The following DDX6 variants were observed in gnomAD, a reference collection of about 807,000 sequenced individuals.
The protein encoded by DDX6 is DEAD-box helicase 6.
DDX6 carries 7 observed loss-of-function variants against 60.6 expected under a neutral mutation model. The ratio of observed to expected loss-of-function variants is 0.12; its 90% CI spans 0.07 to 0.22. The LOEUF (loss-of-function observed/expected upper bound fraction) is 0.22, where lower values mean the gene tolerates loss of function less well. DDX6 is among the 10% of genes least tolerant of loss of function. The probability of loss-of-function intolerance (pLI) is 1.00; values close to 1 mark genes in which losing one functional copy is unlikely to be tolerated. For synonymous variants in DDX6, 207 were observed against 201.0 expected, an observed-to-expected ratio of 1.03 and a Z score of -0.25; for missense variants, 270 against 589.9, an observed-to-expected ratio of 0.46 and a Z score of 5.62.
chr11:118,760,091 TAAG>T lies in DDX6; in HGVS notation c.742-50_742-48del, dbSNP rs1565563444. 7 of 1,574,896 alleles carry T rather than the reference TAAG, an allele frequency of 4.4e-6. No homozygotes were observed. The South Asian group carries it at 5.7e-5, about 13-fold the overall frequency. On this transcript the variant is annotated intron_variant, in intron 7 of 13. Coordinates refer to ENST00000534980, the MANE Select transcript of DDX6 (RefSeq NM_004397.6). Reference sequence around the variant, plus strand: ...ATTTTAAAAACAATAAAATAATGTCTAAGGTCTTGGTTAATACATGGTCAAAGA... The same window carrying T: ...ATTTTAAAAACAATAAAATAATGTCTGTCTTGGTTAATACATGGTCAAAGA...
intron 13 of DDX6, 106 bp downstream of exon 13, chr11:118,754,599 C>T: frequency 2.1e-6 from 2 of 968,492 alleles, no homozygotes; most frequent in South Asian, 1.7e-5. Context: ...GGTATTTTAC[C>T]CTTTATTGCT....
At chr11:118,756,068 G>C (rs1315521736) in intron 11 of DDX6, among the ~76,000 whole-genome samples, 192 bp downstream of exon 11, 1 of 130,786 alleles carries the variant, frequency 7.6e-6, no homozygotes, top group African/African-American at 2.9e-5. Context: ...GCCAGAGTAA[G>C]TCTTCTAAAG....
chr11:118,775,925 G>A (rs537729781), intron 4 of DDX6, among the ~76,000 whole-genome samples: 19 of 152,260 alleles, frequency 1.2e-4, no homozygotes, highest in African/African-American at 4.6e-4. Flanking sequence ...GAGCCCAGGA[G>A]GTCAAGACCA....
At chr11:118,783,526 G>C (rs1023326273) in intron 2 of DDX6, among the ~76,000 whole-genome samples, 10 of 152,176 alleles carry the variant, frequency 6.6e-5, no homozygotes, top group Non-Finnish European at 1.3e-4. Context: ...TCATAGGCCA[G>C]GTGCAGTGGC....
intron 4 of DDX6, among the ~76,000 whole-genome samples, chr11:118,773,429 G>A (rs186237544): frequency 4.6e-5 from 7 of 152,152 alleles, no homozygotes; most frequent in East Asian, 3.9e-4. Context: ...AAAATTAGCC[G>A]GGCGTGGTGG....
At chr11:118,791,396 A>G (rs898591071), upstream of DDX6, 6 of 152,054 alleles carry the variant, frequency 3.9e-5, no homozygotes, top group African/African-American at 1.4e-4. Context: ...CCGACGAGAA[A>G]AGTTCGAGGG....
rs146465826 is a variant in DDX6 at position 118,765,363 on chromosome 11, A to G, written c.500-8T>C. ...TGGGAACAATCACCATTGCTGAAAC[A>G]GTATCAAGGAATATATAAGAAAATA... On this transcript the variant is annotated splice_region_variant and splice_polypyrimidine_tract_variant and intron_variant, in intron 5 of 13. Coordinates refer to ENST00000534980, the MANE Select transcript of DDX6 (RefSeq NM_004397.6). 46 of 1,613,884 alleles carry G rather than the reference A, an allele frequency of 2.9e-5. No individual in the cohort carries two copies. In the African/African-American group the frequency reaches 4.1e-4, roughly 14 times the overall value.
intron 7 of DDX6, 49 bp from the exon 8 acceptor site, chr11:118,760,093 A>C: frequency 6.4e-7 from 1 of 1,565,458 alleles, no homozygotes; most frequent in Non-Finnish European, 8.7e-7. Context: ...ATAATGTCTA[A>C]GGTCTTGGTT....
rs58341763 is a variant in DDX6, at chr11:118,763,838, T to TA, written c.647-533dup. ...AACAGAGTAAGACTGTGTCTCAAATTAAAAAAAAAAAAAAAAAGAAAGAAA... is the reference window on the plus strand; with the variant it reads ...AACAGAGTAAGACTGTGTCTCAAATTAAAAAAAAAAAAAAAAAAGAAAGAAA... On this transcript the variant is annotated intron_variant, in intron 6 of 13. Coordinates refer to ENST00000534980, the MANE Select transcript of DDX6 (RefSeq NM_004397.6). Among the ~76,000 whole-genome samples the TA allele has an allele frequency of 1.5e-3, 195 of 134,366 alleles. 1 individual carries two copies. Among genetic ancestry groups the TA allele is most frequent in the African/African-American group, 4.2e-3 (149 of 35,724 alleles). The allele number at this position is 134,366 out of a possible 152,430, so 88.1% of individuals were successfully genotyped here.
At chr11:118,773,020 C>T (rs1861585350) in intron 4 of DDX6, among the ~76,000 whole-genome samples, 1 of 152,168 alleles carries the variant, frequency 6.6e-6, no homozygotes, top group Admixed American at 6.6e-5. Context: ...TAGTCATTTC[C>T]AAGTATGTTT....
intron 1 of DDX6, chr11:118,787,050 T>C (rs1238760521): frequency 6.6e-6 from 1 of 152,174 alleles, no homozygotes; most frequent in Admixed American, 6.6e-5. Flanking sequence ...TATTAAACTT[T>C]ATGGGCTGGG....
chr11:118,756,457 A>G, intron 10 of DDX6, 134 bp from the exon 11 acceptor site: 2 of 510,302 alleles, frequency 3.9e-6, no homozygotes, highest in Non-Finnish European at 6.8e-6. Context: ...GCTGCTTTCA[A>G]AACCAAATGA....
At chr11:118,780,043 G>C (rs888496722) in intron 3 of DDX6, among the ~76,000 whole-genome samples, 1 of 139,638 alleles carries the variant, frequency 7.2e-6, no homozygotes, top group Non-Finnish European at 1.5e-5. Context: ...TTGAACCCAG[G>C]AGACGGAGGT....
chr11:118,753,928 C>T (rs1416834223), intron 13 of DDX6, among the ~76,000 whole-genome samples: 1 of 151,850 alleles, frequency 6.6e-6, no homozygotes, highest in Non-Finnish European at 1.5e-5. Context: ...AACTCCAACT[C>T]TACTAAAAAA....
At chr11:118,757,846 T>A (rs1555159314) in intron 9 of DDX6, among the ~76,000 whole-genome samples, 1 of 152,056 alleles carries the variant, frequency 6.6e-6, no homozygotes, top group African/African-American at 2.4e-5. Context: ...CCACTTCGGC[T>A]TCCCAAAGTG....
At chr11:118,785,010 C>T (rs563345322) in intron 2 of DDX6, among the ~76,000 whole-genome samples, 151 of 152,284 alleles carry the variant, frequency 9.9e-4, no homozygotes, top group African/African-American at 3.4e-3. Flanking sequence ...TCAGGTGATC[C>T]GCCCACCTTG....
At chr11:118,772,669 C>A (rs1374276517) in intron 4 of DDX6, among the ~76,000 whole-genome samples, 1 of 152,040 alleles carries the variant, frequency 6.6e-6, no homozygotes, top group Non-Finnish European at 1.5e-5. Flanking sequence ...CCCCAAAAAA[C>A]AAAACCCCAA....
At chr11:118,764,196 A>G (rs1283316017) in intron 6 of DDX6, among the ~76,000 whole-genome samples, 2 of 152,234 alleles carry the variant, frequency 1.3e-5, no homozygotes, top group African/African-American at 4.8e-5. Context: ...AATGTATCAC[A>G]TAATTATCAT....
At position 118,754,688 on chromosome 11, in the gene DDX6, TTC is replaced by T; in HGVS notation, c.*7+15_*7+16del. On this transcript the variant is annotated intron_variant, in intron 13 of 13. Transcript: ENST00000534980. ...CTCATTTAAAGGTTCCTCTTAGCTG[TTC>T]TGTCAGGGACGTACATGCTTGTTAA... The T allele has an allele frequency of 1.3e-6, 2 of 1,578,438 alleles. No individual in the cohort carries two copies. The highest frequency in any genetic ancestry group is 1.7e-6 in the Non-Finnish European group (2 of 1,168,332).
Sources: gnomAD v4.1 joint callset for allele counts (sites outside exome capture counted in the v4.1 genomes callset) on GRCh38, gnomAD v4.1.1 for gene constraint, MANE v1.5 for transcripts, NCBI Gene and HGNC (gene_info 2026-07-23, HGNC 2026-07-21) for gene names.